Variants in SUCLA2 observed in about 807,000 individuals in gnomAD.
SUCLA2 encodes succinate-CoA ligase ADP-forming subunit beta.
SUCLA2 carries 30 observed loss-of-function variants against 54.8 expected under a neutral mutation model. The ratio of observed to expected loss-of-function variants is 0.55; its 90% CI spans 0.41 to 0.74. The LOEUF (loss-of-function observed/expected upper bound fraction) is 0.74. Ranked by LOEUF, SUCLA2 falls within the 30% of genes least tolerant of loss-of-function variation. The pLI is 0.00. For missense variants in SUCLA2, 476 were observed against 562.9 expected (o/e 0.85, Z 1.56); for synonymous variants, 172 against 188.9 (o/e 0.91, Z 0.74).
chr13:47,983,691 G>C (rs867423591), intron 4 of SUCLA2, among the ~76,000 whole-genome samples: 1 of 151,976 alleles, frequency 6.6e-6, no homozygotes, highest in Non-Finnish European at 1.5e-5. Context: ...GGGTTTCACC[G>C]TGTTAGCCAG....
intron 6 of SUCLA2, among the ~76,000 whole-genome samples, chr13:47,959,095 C>T (rs1949845786): frequency 6.6e-6 from 1 of 152,052 alleles, no homozygotes; most frequent in Non-Finnish European, 1.5e-5. Flanking sequence ...TAGGGTTTCA[C>T]TAACATTTAA....
At chr13:47,984,822 TCA>T (rs1950088199) in intron 4 of SUCLA2, among the ~76,000 whole-genome samples, 1 of 152,080 alleles carries the variant, frequency 6.6e-6, no homozygotes, top group East Asian at 1.9e-4. Context: ...TTAAAAAAAA[TCA>T]CACGAAGTAA....
At chr13:47,981,901 C>G (rs1950063071) in intron 4 of SUCLA2, among the ~76,000 whole-genome samples, 1 of 152,116 alleles carries the variant, frequency 6.6e-6, no homozygotes, top group African/African-American at 2.4e-5. Context: ...AGAAGAATCA[C>G]TTGATCCCGG....
chr13:47,943,859 A>G (rs1352292036), intron 10 of SUCLA2, among the ~76,000 whole-genome samples: 1 of 151,416 alleles, frequency 6.6e-6, no homozygotes, highest in Non-Finnish European at 1.5e-5. Flanking sequence ...ACATCTAAGT[A>G]AAAATTTGTT....
In SUCLA2 at chr13:47,973,341, C is replaced by T; in HGVS notation, c.586G>A (p.Ala196Thr). ...ATTATTGCTTCAGGAGACTCAGCAGCAACATCTTCAATGTTGACACCACCA... is the reference window on the plus strand; with the variant it reads ...ATTATTGCTTCAGGAGACTCAGCAGTAACATCTTCAATGTTGACACCACCA... ...SHGGVNIEDV[A>T]AESPEAIIKE... The change falls in exon 5 of 11, where the codon GCT (alanine) becomes ACT (threonine). Residue 196 changes from alanine to threonine, a missense_variant. Ala to Thr is a moderately conservative substitution (Grantham distance 58, BLOSUM62 0). This residue lies in a region of SUCLA2 where 342 missense variants were observed against 444.2 expected (regional missense o/e 0.77). Transcript: ENST00000646932. 1 of 1,613,692 alleles carries T rather than the reference C, an allele frequency of 6.2e-7. No homozygotes were observed. Among genetic ancestry groups the T allele is most frequent in the South Asian group, 1.1e-5 (1 of 91,080 alleles).
Position 47,988,562 on chromosome 13 carries a change from T to C in SUCLA2, c.513A>G (p.Ile171Met). The C allele has an allele frequency of 6.2e-7, 1 of 1,613,918 alleles. No homozygotes were observed. The highest frequency in any genetic ancestry group is 1.1e-5 in the South Asian group (1 of 91,076). ...TCACTTGAAATGACCTTTCCATTGT[T>C]ATTGCAAAGTAGTATTCTCTCCTGG... ...KYPRREYYFA[I>M]TMERSFQGPV... Residue 171 changes from isoleucine to methionine, a missense_variant, in exon 4 of 11, where the codon ATA (isoleucine) becomes ATG (methionine). Coordinates refer to ENST00000646932, the MANE Select transcript of SUCLA2 (RefSeq NM_003850.3).
At chr13:47,949,168 G>A (rs1332622925) in intron 9 of SUCLA2, 140 bp from the exon 10 acceptor site, 2 of 889,986 alleles carry the variant, frequency 2.2e-6, no homozygotes, top group Non-Finnish European at 3.5e-6. Context: ...CTAAACCAAA[G>A]AAAACACTGT....
chr13:47,946,932 A>C (rs1326231083), intron 10 of SUCLA2, among the ~76,000 whole-genome samples: 4 of 152,194 alleles, frequency 2.6e-5, no homozygotes, highest in African/African-American at 9.6e-5. Flanking sequence ...TAAAAAATAC[A>C]TGTTTTCTCA....
At chr13:47,979,611 A>G (rs1950045564) in intron 4 of SUCLA2, among the ~76,000 whole-genome samples, 2 of 152,180 alleles carry the variant, frequency 1.3e-5, no homozygotes, top group South Asian at 2.1e-4. Flanking sequence ...CATTCTGCAC[A>G]TGTATCCCAG....
intron 10 of SUCLA2, 44 bp from the exon 11 acceptor site, chr13:47,943,489 G>A (rs755166072): frequency 1.3e-6 from 2 of 1,588,334 alleles, no homozygotes; most frequent in Admixed American, 3.3e-5. Context: ...GGTAAATTCA[G>A]AACTACAGGT....
rs577710987 is a variant in SUCLA2 at position 48,000,761 on chromosome 13, T to C, written c.90+419A>G. 1.0e-5 allele frequency: 8 copies of C among 780,010 alleles called. No individual in the cohort carries two copies. In the Admixed American group the frequency reaches 3.0e-4, roughly 29 times the overall value. The allele number at this position is 780,010 out of a possible 1,614,324, so 48.3% of individuals were successfully genotyped here. A position where few individuals can be genotyped will look rare whatever the true frequency, so the allele number is the denominator to read the frequency against. ...GCTGGTCCTCTGACATTCCCACCTA[T>C]GACAGCTCCCAAGAAACACAAAAGT... On this transcript the variant is annotated intron_variant, in intron 1 of 10. Coordinates refer to ENST00000646932, the MANE Select transcript of SUCLA2 (RefSeq NM_003850.3).
chr13:47,963,500 C>T (rs1000783091), intron 6 of SUCLA2, among the ~76,000 whole-genome samples: 2 of 152,042 alleles, frequency 1.3e-5, no homozygotes, highest in African/African-American at 2.4e-5. Context: ...AAAAAAGTAG[C>T]CAGGCATGGT....
chr13:47,943,100 C>A lies in SUCLA2; in HGVS notation c.*271G>T. On this transcript the variant is annotated 3_prime_UTR_variant, in exon 11 of 11. Coordinates refer to ENST00000646932, the MANE Select transcript of SUCLA2 (RefSeq NM_003850.3). ...GAACTTTGTATCCAACAATAATAAA[C>A]TGGCAAATTGCAAGTTACGTTTTGT... is the stretch of plus-strand genomic sequence containing the variant. 2.4e-6 allele frequency: 1 copy of A among 424,352 alleles called. No homozygotes were observed. The highest frequency in any genetic ancestry group is 4.3e-6 in the Non-Finnish European group (1 of 231,600). The allele number at this position is 424,352 out of a possible 1,614,324, so 26.3% of individuals were successfully genotyped here.
intron 4 of SUCLA2, 67 bp downstream of exon 4, chr13:47,988,474 A>T: frequency 6.4e-7 from 1 of 1,553,452 alleles, no homozygotes; most frequent in Non-Finnish European, 8.9e-7. Flanking sequence ...AAATAGAAAC[A>T]ATAATGGACT....
At chr13:47,975,171 T>C (rs1032263951) in intron 4 of SUCLA2, among the ~76,000 whole-genome samples, 3 of 151,690 alleles carry the variant, frequency 2.0e-5, no homozygotes, top group Non-Finnish European at 1.5e-5. Context: ...TTTTCTTTTT[T>C]TTTTTTTTAT....
chr13:47,973,217 A>G lies in SUCLA2; in HGVS notation c.663+47T>C, dbSNP rs1949982816. The G allele has an allele frequency of 2.6e-6, 4 of 1,539,200 alleles. No homozygotes were observed. The South Asian group carries it at 4.5e-5, about 17-fold the overall frequency. On this transcript the variant is annotated intron_variant, in intron 5 of 10. Transcript: ENST00000646932. The stretch of plus-strand genomic sequence containing the variant: ...AGTTGTACGGTTATCTTTAAGTATC[A>G]TAATTCTCTAATCATAAGCTAGAAA...
chr13:47,957,411 A>G (rs1268142513), intron 6 of SUCLA2, among the ~76,000 whole-genome samples: 1 of 152,172 alleles, frequency 6.6e-6, no homozygotes, highest in East Asian at 1.9e-4. Flanking sequence ...CTTGTGACTC[A>G]GCTGATGTGG....
chr13:47,995,403 C>A (rs562608678), intron 2 of SUCLA2, among the ~76,000 whole-genome samples: 2 of 149,952 alleles, frequency 1.3e-5, no homozygotes, highest in South Asian at 4.2e-4. Flanking sequence ...TAAAATAATT[C>A]TTTCTGATTA....
chr13:47,955,050 T>C (rs552698347), intron 6 of SUCLA2, among the ~76,000 whole-genome samples: 11 of 152,210 alleles, frequency 7.2e-5, no homozygotes, highest in African/African-American at 2.6e-4. Context: ...AAAAAAAATC[T>C]TTTAACTCCT....
Sources: allele counts gnomAD v4.1 joint callset (sites outside exome capture counted in the v4.1 genomes callset), GRCh38; gene constraint gnomAD v4.1.1; regional missense constraint gnomAD v4.1.1; transcripts MANE v1.5; gene names NCBI Gene and HGNC (gene_info 2026-07-23, HGNC 2026-07-21).